Variants in PZP observed in about 807,000 individuals in gnomAD.
The protein encoded by PZP is pregnancy zone protein.
Under a neutral mutation model 179.8 loss-of-function variants are expected in PZP, and 150 were observed. That is an observed-to-expected ratio of 0.83 (90% CI 0.73 to 0.96). The LOEUF (loss-of-function observed/expected upper bound fraction) is 0.96. Among genes scored for constraint, PZP ranks in the 40% least tolerant of loss-of-function variants. The pLI, the probability that PZP is intolerant of heterozygous loss-of-function variation, is 0.00. For synonymous variants in PZP, 624 were observed against 652.3 expected, an observed-to-expected ratio of 0.96 and a Z score of 0.66; for missense variants, 1,689 against 1,764.0, an observed-to-expected ratio of 0.96 and a Z score of 0.76.
rs756066849 is a variant in PZP, at chr12:9,150,698, G to A, written c.4330C>T (p.Pro1444Ser). ...SFSFMVLQDIPVGDLKPAIVK... is the reference protein window; with the variant it reads ...SFSFMVLQDISVGDLKPAIVK... ...ATTGCTGGCTTCAAGTCTCCTACTGGGATGTCTTGCAGAACCATGAAGGAA... is the reference window on the plus strand; with the variant it reads ...ATTGCTGGCTTCAAGTCTCCTACTGAGATGTCTTGCAGAACCATGAAGGAA... Residue 1444 changes from proline to serine, a missense_variant, in exon 34 of 36, where the codon CCA (proline) becomes TCA (serine). Coordinates refer to ENST00000261336, the MANE Select transcript of PZP (RefSeq NM_002864.3). 6.2e-7 allele frequency: 1 copy of A among 1,613,150 alleles called. No individual in the cohort carries two copies.
At chr12:9,191,868 T>G (rs1943476308) in intron 13 of PZP, among the ~76,000 whole-genome samples, 1 of 152,200 alleles carries the variant, frequency 6.6e-6, no homozygotes, top group Non-Finnish European at 1.5e-5. Context: ...AATGTTAATT[T>G]AATCAATGTA....
intron 24 of PZP, 104 bp downstream of exon 24, chr12:9,160,210 C>A: frequency 1.6e-6 from 2 of 1,231,290 alleles, no homozygotes; most frequent in South Asian, 2.9e-5. Context: ...TTGTTGTTTT[C>A]ATAAAAATTA....
chr12:9,164,718 C>T (rs369311836), intron 19 of PZP, among the ~76,000 whole-genome samples: 21 of 152,294 alleles, frequency 1.4e-4, no homozygotes, highest in East Asian at 1.4e-3. Context: ...GATCTATATA[C>T]AACCACTATT....
chr12:9,197,399 T>C (rs1943843747), intron 7 of PZP, among the ~76,000 whole-genome samples: 1 of 141,964 alleles, frequency 7.0e-6, no homozygotes, highest in African/African-American at 2.6e-5. Flanking sequence ...ATTATAATTA[T>C]TATATTTTAA....
intron 13 of PZP, among the ~76,000 whole-genome samples, chr12:9,185,184 AT>A (rs1943024857): frequency 6.6e-6 from 1 of 152,220 alleles, no homozygotes; most frequent in Admixed American, 6.5e-5. Context: ...AAGAATCACA[AT>A]AAAATGATGC....
chr12:9,198,488 A>G (rs1189566122), intron 7 of PZP, among the ~76,000 whole-genome samples: 3 of 152,214 alleles, frequency 2.0e-5, no homozygotes, highest in Non-Finnish European at 4.4e-5. Flanking sequence ...ATAATAACTA[A>G]GCAAATCTAA....
chr12:9,200,634 A>G (rs949105820), intron 6 of PZP, among the ~76,000 whole-genome samples, 186 bp from the exon 7 acceptor site: 3 of 152,200 alleles, frequency 2.0e-5, no homozygotes, highest in Non-Finnish European at 4.4e-5. Flanking sequence ...TCTTGAGCAC[A>G]GCGGGTCTCA....
chr12:9,160,407 A>G lies in PZP; in HGVS notation c.2956T>C (p.Phe986Leu). The G allele has an allele frequency of 6.2e-7, 1 of 1,614,084 alleles. No homozygotes were observed. The highest frequency in any genetic ancestry group is 8.5e-7 in the Non-Finnish European group (1 of 1,179,926). ...YGCGEQNMVL[F>L]APNIYVLNYL... ...TTCAAGACATAGATGTTAGGAGCAAATAGGACCATGTTCTGTTCTCCACAG... is the reference window on the plus strand; with the variant it reads ...TTCAAGACATAGATGTTAGGAGCAAGTAGGACCATGTTCTGTTCTCCACAG... The change falls in exon 24 of 36, where the codon TTT becomes CTT. Residue 986 changes from phenylalanine to leucine, a missense_variant. Physicochemically the swap from Phe to Leu is conservative, Grantham distance 22 (BLOSUM62 0). Coordinates refer to ENST00000261336, the MANE Select transcript of PZP (RefSeq NM_002864.3).
intron 13 of PZP, among the ~76,000 whole-genome samples, chr12:9,191,930 G>A (rs1263383100): frequency 6.6e-6 from 1 of 152,152 alleles, no homozygotes; most frequent in Non-Finnish European, 1.5e-5. Flanking sequence ...TTTGAAAAGA[G>A]CTTTGTTTTG....
intron 28 of PZP, among the ~76,000 whole-genome samples, chr12:9,156,586 A>AT: frequency 6.6e-6 from 1 of 152,362 alleles, no homozygotes; most frequent in East Asian, 1.9e-4. Flanking sequence ...GTAGAGAGAA[A>AT]TCATGAGAAA....
chr12:9,206,190 T>C lies in PZP; in HGVS notation c.83+2069A>G, dbSNP rs1488141389. 2.6e-5 allele frequency among the ~76,000 whole-genome samples: 4 copies of C among 152,132 alleles called. No homozygotes were observed. In the South Asian group the frequency reaches 8.3e-4, roughly 32 times the overall value. On this transcript the variant is annotated intron_variant, in intron 1 of 35. Coordinates refer to ENST00000261336, the MANE Select transcript of PZP (RefSeq NM_002864.3). ...CATAATAAATAATAAAAATGTATCA[T>C]TTTTTACATCCCCATCAAAAAATTT...
chr12:9,162,710 TGGATTCCTTTCTTTGATGGGTAG>T, intron 21 of PZP, 62 bp from the exon 22 acceptor site: 1 of 1,290,722 alleles, frequency 7.7e-7, no homozygotes, highest in Admixed American at 1.9e-5. Context: ...GAGAACCACA[TGGATTCCTTTCTTTGATGGGTAG>T]GGTTTACACG....
rs2120723532 is a variant in PZP at position 9,164,268 on chromosome 12, C to T, written c.2488-9G>A. The T allele has an allele frequency of 6.2e-7, 1 of 1,611,456 alleles. No homozygotes were observed. Among genetic ancestry groups the T allele is most frequent in the Non-Finnish European group, 8.5e-7 (1 of 1,178,290 alleles). On this transcript the variant is annotated splice_polypyrimidine_tract_variant and intron_variant, in intron 19 of 35. Transcript: ENST00000261336. ...TTCAGCTGCACACTGACCTATCACC[C>T]CATGTGAGGCAGAGACAGAAATGAT...
At chr12:9,146,772 T>C (rs917488723), downstream of PZP, among the ~76,000 whole-genome samples, 25 of 152,300 alleles carry the variant, frequency 1.6e-4, no homozygotes, top group Admixed American at 1.4e-3. Flanking sequence ...AGGGGAGTTA[T>C]AGTGTTCACC....
At chr12:9,169,844 T>C (rs183477982) in intron 15 of PZP, 41 of 327,310 alleles carry the variant, frequency 1.3e-4, no homozygotes, top group Non-Finnish European at 1.9e-4. Context: ...TAAAACTTCA[T>C]TGTAGAGTCT....
chr12:9,161,004 C>A (rs1198555459), intron 23 of PZP, 29 bp downstream of exon 23: 2 of 1,520,468 alleles, frequency 1.3e-6, no homozygotes, highest in East Asian at 4.5e-5. Context: ...CTCTTTTGGC[C>A]CAGGTTTACT....
Position 9,166,191 on chromosome 12 carries a change from C to T in PZP, c.2119G>A (p.Val707Ile), listed in dbSNP as rs777502770. The T allele has an allele frequency of 3.7e-6, 6 of 1,609,980 alleles. No individual in the cohort carries two copies. Among genetic ancestry groups the T allele is most frequent in the Middle Eastern group, 1.7e-4 (1 of 6,058 alleles). Reference sequence around the variant, plus strand: ...TGAGGAACATATGGTCTCTCTACTACTCCTAGACCTGCTAAAGTAAGAGAA... The same window carrying T: ...TGAGGAACATATGGTCTCTCTACTATTCCTAGACCTGCTAAAGTAAGAGAA... ...GQGYYGAGLGVVERPYVPQLG... is the reference protein window; with the variant it reads ...GQGYYGAGLGIVERPYVPQLG... Residue 707 changes from valine to isoleucine, a missense_variant, in exon 18 of 36, where the codon GTA (valine) becomes ATA (isoleucine). Physicochemically the swap from Val to Ile is conservative, Grantham distance 29 (BLOSUM62 3). Around this residue, in one of 3 missense-constraint regions of PZP, gnomAD observed 201 missense variants for 284.2 expected, o/e 0.71. Transcript: ENST00000261336.
At chr12:9,163,998 G>A in intron 20 of PZP, 135 bp downstream of exon 20, 2 of 1,292,506 alleles carry the variant, frequency 1.5e-6, no homozygotes, top group East Asian at 2.4e-5. Flanking sequence ...AGGTCATAGT[G>A]GATAGAAATA....
intron 30 of PZP, 26 bp from the exon 31 acceptor site, chr12:9,152,977 G>A (rs772154102): frequency 6.2e-7 from 1 of 1,613,866 alleles, no homozygotes; most frequent in Admixed American, 1.7e-5. Flanking sequence ...GACACTATCA[G>A]TTTCTCTCTT....
Sources: gnomAD v4.1 joint callset for allele counts (sites outside exome capture counted in the v4.1 genomes callset) on GRCh38, gnomAD v4.1.1 for gene constraint, gnomAD v4.1.1 regional missense constraint, MANE v1.5 for transcripts, NCBI Gene and HGNC (gene_info 2026-07-23, HGNC 2026-07-21) for gene names.